The following ALCAM variants were observed in gnomAD, a reference collection of about 807,000 sequenced individuals.
The protein encoded by ALCAM is CD166 antigen.
ALCAM carries 30 observed loss-of-function variants against 70.9 expected under a neutral mutation model. The observed-to-expected ratio is 0.42, with a 90% CI of 0.32 to 0.57. The LOEUF (loss-of-function observed/expected upper bound fraction) is 0.57, where lower values mean the gene tolerates loss of function less well. ALCAM is among the 20% of genes least tolerant of loss of function. The probability of loss-of-function intolerance (pLI) is 0.11; values close to 1 mark genes in which losing one functional copy is unlikely to be tolerated. For synonymous variants in ALCAM, 249 were observed against 242.5 expected (o/e 1.03, Z -0.25); for missense variants, 591 against 695.1 (o/e 0.85, Z 1.68).
chr3:105,428,357 A>C, intron 1 of ALCAM, among the ~76,000 whole-genome samples: 1 of 151,986 alleles, frequency 6.6e-6, no homozygotes, highest in East Asian at 1.9e-4. Context: ...TTTCACCCTT[A>C]TAGCCCTAAA....
intron 3 of ALCAM, among the ~76,000 whole-genome samples, chr3:105,529,429 G>T (rs1426986271): frequency 2.0e-5 from 3 of 152,074 alleles, no homozygotes. Context: ...CTAAAATAGT[G>T]CATGTCCTCT....
intron 1 of ALCAM, among the ~76,000 whole-genome samples, chr3:105,378,925 C>T (rs565562499): frequency 6.6e-6 from 1 of 151,886 alleles, no homozygotes; most frequent in African/African-American, 2.4e-5. Flanking sequence ...GCAGTATGGC[C>T]GTATCTCCAC....
chr3:105,476,544 T>A (rs1252859193), intron 1 of ALCAM, among the ~76,000 whole-genome samples: 1 of 152,064 alleles, frequency 6.6e-6, no homozygotes, highest in Non-Finnish European at 1.5e-5. Flanking sequence ...TATACTTTAC[T>A]GGTTCCAGTT....
At chr3:105,526,135 A>G (rs1365596020) in intron 3 of ALCAM, among the ~76,000 whole-genome samples, 1 of 152,166 alleles carries the variant, frequency 6.6e-6, no homozygotes, top group Non-Finnish European at 1.5e-5. Flanking sequence ...ACAGCACTCT[A>G]ATGGTTATAT....
chr3:105,443,423 G>A (rs766908458), intron 1 of ALCAM, among the ~76,000 whole-genome samples: 1 of 151,886 alleles, frequency 6.6e-6, no homozygotes, highest in African/African-American at 2.4e-5. Context: ...TTATGCACGC[G>A]AGCTTTCCAA....
chr3:105,397,115 T>A (rs1402827510), intron 1 of ALCAM, among the ~76,000 whole-genome samples: 1 of 152,094 alleles, frequency 6.6e-6, no homozygotes, highest in Non-Finnish European at 1.5e-5. Flanking sequence ...AAAGTGTGTC[T>A]CCTGAAATTG....
In ALCAM at chr3:105,488,652, G is replaced by T. The variant is rs537291828; in HGVS notation, c.74-31415G>T. Reference sequence around the variant, plus strand: ...AGGTAGGAAGGAAGGAAGAAAGGATGGAAGGAAGGGGAAGGGAAGGGGAAG... The same window carrying T: ...AGGTAGGAAGGAAGGAAGAAAGGATTGAAGGAAGGGGAAGGGAAGGGGAAG... On this transcript the variant is annotated intron_variant, in intron 1 of 15. Transcript: ENST00000306107. Among the ~76,000 whole-genome samples, 476 of 149,614 alleles carry T rather than the reference G, an allele frequency of 3.2e-3. 4 individuals carry two copies. Among genetic ancestry groups the T allele is most frequent in the Non-Finnish European group, 3.7e-3 (247 of 67,338 alleles).
At chr3:105,528,025 C>G (rs1376011909) in intron 3 of ALCAM, among the ~76,000 whole-genome samples, 1 of 152,136 alleles carries the variant, frequency 6.6e-6, no homozygotes, top group African/African-American at 2.4e-5. Flanking sequence ...CAGTAGTTGG[C>G]TTAAAGTACT....
intron 1 of ALCAM, among the ~76,000 whole-genome samples, chr3:105,407,684 A>T (rs933413166): frequency 6.6e-6 from 1 of 152,314 alleles, no homozygotes. Context: ...CACTTTCACC[A>T]CTTCTTTTCA....
At chr3:105,571,463 G>A (rs1940858942) in intron 14 of ALCAM, among the ~76,000 whole-genome samples, 1 of 152,136 alleles carries the variant, frequency 6.6e-6, no homozygotes, top group Non-Finnish European at 1.5e-5. Flanking sequence ...AGAAGGGAAC[G>A]CGCCTTCATG....
intron 1 of ALCAM, among the ~76,000 whole-genome samples, chr3:105,379,359 T>A (rs1000910687): frequency 1.3e-5 from 2 of 151,942 alleles, no homozygotes; most frequent in African/African-American, 4.8e-5. Flanking sequence ...CTGAAAAGTA[T>A]ATTTTATTAG....
chr3:105,418,001 G>GA (rs1936548878), intron 1 of ALCAM, among the ~76,000 whole-genome samples: 2 of 151,496 alleles, frequency 1.3e-5, no homozygotes, highest in African/African-American at 4.8e-5. Context: ...AAAAGTATCA[G>GA]AAAAAAGAAT....
At position 105,540,101 on chromosome 3, in the gene ALCAM, C is replaced by T. The variant is rs1354968351; in HGVS notation, c.857C>T (p.Pro286Leu). The T allele has an allele frequency of 1.2e-6, 2 of 1,610,558 alleles. No homozygotes were observed. The highest frequency in any genetic ancestry group is 1.7e-6 in the Non-Finnish European group (2 of 1,177,508). The change falls in exon 7 of 16, where the codon CCA (proline) becomes CTA (leucine). Residue 286 changes from proline to leucine, a missense_variant and splice_region_variant. By Grantham distance (98) the Pro-to-Leu change is moderately conservative. Around this residue, in one of 2 missense-constraint regions of ALCAM, gnomAD observed 427 missense variants for 450.4 expected, o/e 0.95. Coordinates refer to ENST00000306107, the MANE Select transcript of ALCAM (RefSeq NM_001627.4). ...PPPEEFLFYL[P>L]GQPEGIRSSN... ...CCAGAGGAATTTTTGTTTTACTTACCAGTAAGTGCTTAAGTATTACTTCAG... is the reference window on the plus strand; with the variant it reads ...CCAGAGGAATTTTTGTTTTACTTACTAGTAAGTGCTTAAGTATTACTTCAG...
rs74652545 is a variant in ALCAM, at chr3:105,432,716, G to A, written c.73+65235G>A. Among the ~76,000 whole-genome samples the A allele has an allele frequency of 9.2e-5, 14 of 152,070 alleles. No individual in the cohort carries two copies. In the East Asian group the frequency reaches 2.7e-3, roughly 29 times the overall value. On this transcript the variant is annotated intron_variant, in intron 1 of 15. Coordinates refer to ENST00000306107, the MANE Select transcript of ALCAM (RefSeq NM_001627.4). ...CTAACTCCTTACTCCTGCCTTCCAA[G>A]ATGTACACTTTTACATTTACTTACT... is the stretch of plus-strand genomic sequence containing the variant.
intron 1 of ALCAM, among the ~76,000 whole-genome samples, chr3:105,419,577 G>A (rs368694565): frequency 1.3e-5 from 2 of 151,840 alleles, no homozygotes; most frequent in African/African-American, 4.8e-5. Flanking sequence ...TTTTGACAGG[G>A]AAAGTCCAGG....
intron 1 of ALCAM, among the ~76,000 whole-genome samples, chr3:105,419,741 A>T (rs1232759327): frequency 6.6e-6 from 1 of 151,898 alleles, no homozygotes; most frequent in African/African-American, 2.4e-5. Flanking sequence ...GCTGCTGCTT[A>T]TCTGAAACTT....
chr3:105,554,557 A>G (rs1178708961), intron 14 of ALCAM, among the ~76,000 whole-genome samples: 1 of 152,010 alleles, frequency 6.6e-6, no homozygotes, highest in Non-Finnish European at 1.5e-5. Context: ...GACCCAGTCA[A>G]GTTGACACAT....
At chr3:105,381,555 C>A (rs1240346878) in intron 1 of ALCAM, among the ~76,000 whole-genome samples, 1 of 151,908 alleles carries the variant, frequency 6.6e-6, no homozygotes, top group Non-Finnish European at 1.5e-5. Flanking sequence ...GCATTGCAAT[C>A]TTGAGGTTGA....
In ALCAM at chr3:105,524,627, G is replaced by A. The variant is rs146964304; in HGVS notation, c.394+119G>A. The A allele has an allele frequency of 7.1e-3, 10,293 of 1,448,398 alleles. 74 individuals carry two copies. Among genetic ancestry groups the A allele is most frequent in the African/African-American group, 0.02 (1,389 of 70,074 alleles). The allele number at this position is 1,448,398 out of a possible 1,614,324, so 89.7% of individuals were successfully genotyped here. A position where few individuals can be genotyped will look rare whatever the true frequency, so the allele number is the denominator to read the frequency against. On this transcript the variant is annotated intron_variant, in intron 3 of 15. Transcript: ENST00000306107. ...CTCTATAGCAGGTATCTATATAAGG[G>A]GACTTAAAGAGATCTTCATTCTGCT... is the stretch of plus-strand genomic sequence containing the variant.
Sources: gnomAD v4.1 joint callset for allele counts (sites outside exome capture counted in the v4.1 genomes callset) on GRCh38, gnomAD v4.1.1 for gene constraint, gnomAD v4.1.1 regional missense constraint, MANE v1.5 for transcripts, NCBI Gene and HGNC (gene_info 2026-07-23, HGNC 2026-07-21) for gene names.